The following MYO1C variants were observed in gnomAD, a reference collection of about 807,000 sequenced individuals.
MYO1C encodes the protein myosin IC.
In MYO1C, 104 loss-of-function variants were observed where a neutral mutation model predicts 150.8. The ratio of observed to expected loss-of-function variants is 0.69; its 90% CI spans 0.59 to 0.81. The LOEUF (loss-of-function observed/expected upper bound fraction) is 0.81, where lower values mean the gene tolerates loss of function less well. Among genes scored for constraint, MYO1C ranks in the 30% least tolerant of loss-of-function variants. The pLI, the probability that MYO1C is intolerant of heterozygous loss-of-function variation, is 0.00. For missense variants in MYO1C, 1,504 were observed against 1,435.0 expected, an observed-to-expected ratio of 1.05 and a Z score of -0.78; for synonymous variants, 663 against 579.9, an observed-to-expected ratio of 1.14 and a Z score of -2.06.
At chr17:1,488,321 C>T (rs1272081472) in intron 1 of MYO1C, among the ~76,000 whole-genome samples, 1 of 152,180 alleles carries the variant, frequency 6.6e-6, no homozygotes, top group Non-Finnish European at 1.5e-5. Flanking sequence ...CCGCCGCTCG[C>T]GGGCCCCAGG....
rs2074454521 is a variant in MYO1C at position 1,478,825 on chromosome 17, A to C, written c.1093-90T>G. 6.3e-7 allele frequency: 1 copy of C among 1,577,978 alleles called. No homozygotes were observed. The highest frequency in any genetic ancestry group is 8.6e-7 in the Non-Finnish European group (1 of 1,163,810). ...GGCTCAGGCAGACCAGGAAGCCGCCACCACTCTGCACTCCCAGCTCCAGCA... is the reference window on the plus strand; with the variant it reads ...GGCTCAGGCAGACCAGGAAGCCGCCCCCACTCTGCACTCCCAGCTCCAGCA... On this transcript the variant is annotated intron_variant, in intron 9 of 31. Transcript: ENST00000648651. This position sits in a 1 kb window ranked among gnomAD's most constrained non-coding sequence, Gnocchi z 6.3.
chr17:1,488,395 G>A (rs983537035), intron 1 of MYO1C, among the ~76,000 whole-genome samples: 2 of 152,252 alleles, frequency 1.3e-5, no homozygotes, highest in African/African-American at 4.8e-5. Flanking sequence ...CGAGCCCCGG[G>A]CGGGGAGGGA....
Position 1,474,800 on chromosome 17 carries a change from CG to C in MYO1C, c.1716+11del. 1 of 1,613,670 alleles carries C rather than the reference CG, an allele frequency of 6.2e-7. No individual in the cohort carries two copies. The highest frequency in any genetic ancestry group is 8.5e-7 in the Non-Finnish European group (1 of 1,179,680). Reference sequence around the variant, plus strand: ...CCCCACCCCCACCCCGGCCTCCCCACGTCCTCCTCACCTCCTTAAGGTTCCG... The same window carrying C: ...CCCCACCCCCACCCCGGCCTCCCCACTCCTCCTCACCTCCTTAAGGTTCCG... On this transcript the variant is annotated intron_variant, in intron 16 of 31. Transcript: ENST00000648651.
intron 1 of MYO1C, chr17:1,485,345 G>A: frequency 2.5e-6 from 1 of 405,116 alleles, no homozygotes; most frequent in Non-Finnish European, 3.1e-6. Flanking sequence ...GACCACGAAA[G>A]GCCCAGATTT....
chr17:1,480,514 G>T lies in MYO1C; in HGVS notation c.906+13C>A. On this transcript the variant is annotated intron_variant, in intron 7 of 31. Coordinates refer to ENST00000648651, the MANE Select transcript of MYO1C (RefSeq NM_001080779.2). ...TGACAGGAGGAAAGCGAGGGTCCCG[G>T]AAGAGGCCTCACCTCCACTTCATCC... is the stretch of plus-strand genomic sequence containing the variant. 6.2e-7 allele frequency: 1 copy of T among 1,608,494 alleles called. No homozygotes were observed. Among genetic ancestry groups the T allele is most frequent in the Non-Finnish European group, 8.5e-7 (1 of 1,174,912 alleles).
chr17:1,474,480 CT>C (rs2074362608), intron 17 of MYO1C, 129 bp downstream of exon 17: 1 of 929,480 alleles, frequency 1.1e-6, no homozygotes, highest in Admixed American at 1.7e-5. Context: ...AGGCAGCCCC[CT>C]ACAGACACCT....
chr17:1,484,346 G>A (rs759605363), intron 1 of MYO1C, 43 bp from the exon 2 acceptor site: 66 of 1,600,304 alleles, frequency 4.1e-5, no homozygotes, highest in Non-Finnish European at 5.4e-5. Context: ...GTCATCGGGG[G>A]CGGGGCAAGG....
intron 14 of MYO1C, among the ~76,000 whole-genome samples, chr17:1,477,051 C>T (rs2074415179): frequency 6.6e-6 from 1 of 151,970 alleles, no homozygotes; most frequent in Non-Finnish European, 1.5e-5. Context: ...GTTGCCCAGG[C>T]TCGTTTTGAA....
intron 19 of MYO1C, among the ~76,000 whole-genome samples, chr17:1,471,677 G>A (rs2074306253): frequency 1.3e-5 from 2 of 152,180 alleles, no homozygotes; most frequent in South Asian, 4.1e-4. Flanking sequence ...GAGGCCTCCT[G>A]TACCCCTGAC....
In MYO1C at chr17:1,471,993, C is replaced by T; in HGVS notation, c.1935G>A (p.Gln645=). The T allele has an allele frequency of 6.2e-7, 1 of 1,614,072 alleles. No individual in the cohort carries two copies. The highest frequency in any genetic ancestry group is 1.3e-5 in the African/African-American group (1 of 75,064). The change falls in exon 19 of 32, where the codon CAG becomes CAA. Residue 645 remains glutamine (Q), a synonymous_variant. Coordinates refer to ENST00000648651, the MANE Select transcript of MYO1C (RefSeq NM_001080779.2). ...GRFDEVLIRH[Q]VKYLGLLENL... ...TTTCCAACAGCCCCAGGTACTTCAC[C>T]TGGTGGCGGATCAGCACCTCGTCAA...
chr17:1,467,598 A>C (rs2074201681), intron 29 of MYO1C, 21 bp from the exon 30 acceptor site: 1 of 1,608,932 alleles, frequency 6.2e-7, no homozygotes, highest in African/African-American at 1.3e-5. Flanking sequence ...AGGCAGGAGG[A>C]GGGGTCAGGC....
chr17:1,474,523 C>G (rs888372135), intron 17 of MYO1C, 87 bp downstream of exon 17: 3 of 1,400,954 alleles, frequency 2.1e-6, no homozygotes, highest in African/African-American at 1.4e-5. Context: ...CGCGTTCACA[C>G]GCACGCTGCC....
chr17:1,472,047 G>A (rs756479682), intron 18 of MYO1C, 23 bp from the exon 19 acceptor site: 3 of 1,613,200 alleles, frequency 1.9e-6, no homozygotes, highest in Non-Finnish European at 2.5e-6. Context: ...GAGCGCCGTG[G>A]TCAGCGGGCT....
At chr17:1,467,105 G>T in intron 31 of MYO1C, 137 bp downstream of exon 31, 1 of 831,964 alleles carries the variant, frequency 1.2e-6, no homozygotes, top group Non-Finnish European at 2.0e-6. Context: ...CTCATGGGTG[G>T]GCCAAGGGAT....
chr17:1,487,327 C>G (rs765078444), intron 1 of MYO1C, among the ~76,000 whole-genome samples: 1 of 152,246 alleles, frequency 6.6e-6, no homozygotes, highest in Non-Finnish European at 1.5e-5. Flanking sequence ...CAACGGCGTA[C>G]ACAGACTCGC....
intron 1 of MYO1C, chr17:1,485,661 C>G: frequency 4.2e-6 from 5 of 1,201,916 alleles, no homozygotes; most frequent in Non-Finnish European, 5.2e-6. Flanking sequence ...ACGCCCGGGA[C>G]CCCCCGCCCT....
At chr17:1,492,216 C>A (rs1231251113) in intron 1 of MYO1C, among the ~76,000 whole-genome samples, 197 bp downstream of exon 1, 1 of 152,252 alleles carries the variant, frequency 6.6e-6, no homozygotes, top group Non-Finnish European at 1.5e-5. Context: ...ACCTCCACTT[C>A]CAAAAATCCT....
chr17:1,492,149 C>G, intron 1 of MYO1C: 1 of 518,902 alleles, frequency 1.9e-6, no homozygotes, highest in Non-Finnish European at 3.5e-6. Context: ...CTTTTGTGCC[C>G]AGTATTCACG....
Position 1,474,830 on chromosome 17 carries a change from GAGA to G in MYO1C, c.1695_1697del (p.Leu566del), listed in dbSNP as rs1381894036. On this transcript the variant is annotated inframe_deletion, in exon 16 of 32. Transcript: ENST00000648651. Reference sequence around the variant, plus strand: ...TCCTCACCTCCTTAAGGTTCCGGAAGAGAAGGTCATTGTTTTTGTCCAGAAACC... The same window carrying G: ...TCCTCACCTCCTTAAGGTTCCGGAAGAGGTCATTGTTTTTGTCCAGAAACC... 22 of 1,613,778 alleles carry G rather than the reference GAGA, an allele frequency of 1.4e-5. No homozygotes were observed. The highest frequency in any genetic ancestry group is 1.8e-5 in the Non-Finnish European group (21 of 1,179,958).
Sources: allele counts gnomAD v4.1 joint callset (sites outside exome capture counted in the v4.1 genomes callset), GRCh38; gene constraint gnomAD v4.1.1; non-coding constraint Gnocchi (gnomAD v3.1); transcripts MANE v1.5; gene names NCBI Gene and HGNC (gene_info 2026-07-23, HGNC 2026-07-21).